The following BICD1 variants were observed in gnomAD, a reference collection of about 807,000 sequenced individuals.
BICD1 encodes the protein BICD cargo adaptor 1.
In BICD1, 35 loss-of-function variants were observed where a neutral mutation model predicts 92.5. That is an observed-to-expected ratio of 0.38 (90% CI 0.29 to 0.50). The LOEUF (loss-of-function observed/expected upper bound fraction) is 0.50. BICD1 is among the 20% of genes least tolerant of loss of function. BICD1 has a pLI of 0.93. For missense variants in BICD1, 950 were observed against 1,189.8 expected (o/e 0.80, Z 2.97); for synonymous variants, 429 against 465.1 (o/e 0.92, Z 1.00).
At chr12:32,207,528 AC>A (rs1441813900) in intron 1 of BICD1, among the ~76,000 whole-genome samples, 29 of 152,338 alleles carry the variant, frequency 1.9e-4, no homozygotes, top group African/African-American at 5.3e-4. Context: ...TTTTAAAAAA[AC>A]ATCTCATTTA....
intron 4 of BICD1, among the ~76,000 whole-genome samples, chr12:32,309,683 T>C (rs560015604): frequency 6.6e-6 from 1 of 152,194 alleles, no homozygotes; most frequent in South Asian, 2.1e-4. Flanking sequence ...TTGCAGGCGT[T>C]GTAGGAATAG....
intron 4 of BICD1, among the ~76,000 whole-genome samples, chr12:32,321,926 A>G (rs1972033): frequency 0.25 from 37,934 of 151,434 alleles, 5,161 homozygotes; most frequent in East Asian, 0.6. Flanking sequence ...TTGAACCTAG[A>G]AGGCGGAGGT....
At chr12:32,310,502 A>G (rs1948344194) in intron 4 of BICD1, among the ~76,000 whole-genome samples, 1 of 152,186 alleles carries the variant, frequency 6.6e-6, no homozygotes, top group African/African-American at 2.4e-5. Context: ...GGATGCCATC[A>G]AGGAGGTCTG....
intron 1 of BICD1, among the ~76,000 whole-genome samples, chr12:32,120,108 G>T (rs575814911): frequency 6.6e-6 from 1 of 151,722 alleles, no homozygotes; most frequent in African/African-American, 2.4e-5. Flanking sequence ...CTCTCTTATT[G>T]TGTCTATTTA....
At chr12:32,109,820 A>G (rs919404702) in intron 1 of BICD1, among the ~76,000 whole-genome samples, 9 of 152,058 alleles carry the variant, frequency 5.9e-5, no homozygotes, top group African/African-American at 2.2e-4. Context: ...GATTTCAAGT[A>G]ACATTTCTTG....
chr12:32,366,063 T>C (rs1434715722), intron 8 of BICD1, among the ~76,000 whole-genome samples: 1 of 152,230 alleles, frequency 6.6e-6, no homozygotes, highest in Non-Finnish European at 1.5e-5. Flanking sequence ...TCAGTAATGT[T>C]TTCTTGAGTG....
chr12:32,207,414 T>C (rs566996844), intron 1 of BICD1, among the ~76,000 whole-genome samples: 1 of 152,180 alleles, frequency 6.6e-6, no homozygotes, highest in African/African-American at 2.4e-5. Context: ...TCACAGAATA[T>C]TTAGTTGAGA....
intron 2 of BICD1, among the ~76,000 whole-genome samples, chr12:32,249,689 C>CTT (rs35108159): frequency 0.054 from 7,843 of 145,714 alleles, 717 homozygotes; most frequent in African/African-American, 0.19. Flanking sequence ...CTCTCTCTCT[C>CTT]TTTTTTTTTT....
intron 1 of BICD1, among the ~76,000 whole-genome samples, chr12:32,179,912 C>T (rs1440046756): frequency 1.3e-5 from 2 of 150,846 alleles, no homozygotes; most frequent in African/African-American, 4.9e-5. Context: ...ATTTCTTGAA[C>T]CCAGGAGGCA....
chr12:32,250,815 T>C (rs983978244), intron 2 of BICD1, among the ~76,000 whole-genome samples: 3 of 151,930 alleles, frequency 2.0e-5, no homozygotes, highest in African/African-American at 7.3e-5. Flanking sequence ...ATCCTGTCTC[T>C]ACAAAAAAAA....
chr12:32,255,284 T>A (rs1344712851), intron 2 of BICD1, among the ~76,000 whole-genome samples: 2 of 152,116 alleles, frequency 1.3e-5, no homozygotes, highest in Non-Finnish European at 2.9e-5. Flanking sequence ...CAATCCCATT[T>A]AATTCCCAAA....
chr12:32,278,186 T>A (rs1947325143), intron 2 of BICD1, among the ~76,000 whole-genome samples: 1 of 152,234 alleles, frequency 6.6e-6, no homozygotes, highest in South Asian at 2.1e-4. Flanking sequence ...AGATTTCACA[T>A]CTGTTTAGTG....
intron 9 of BICD1, among the ~76,000 whole-genome samples, chr12:32,375,818 A>T (rs10771943): frequency 6.6e-6 from 1 of 151,902 alleles, no homozygotes; most frequent in Non-Finnish European, 1.5e-5. Context: ...ACCAAAGATA[A>T]AAATTATTTA....
chr12:32,162,870 C>T (rs1943640678), intron 1 of BICD1, among the ~76,000 whole-genome samples: 1 of 152,208 alleles, frequency 6.6e-6, no homozygotes, highest in African/African-American at 2.4e-5. Flanking sequence ...CCTGTGGTCC[C>T]AGCTACTCAG....
chr12:32,118,193 C>G (rs375768471), intron 1 of BICD1, among the ~76,000 whole-genome samples: 1 of 151,862 alleles, frequency 6.6e-6, no homozygotes, highest in Non-Finnish European at 1.5e-5. Flanking sequence ...TGCCATTCTC[C>G]TGTCTCAGCC....
intron 9 of BICD1, among the ~76,000 whole-genome samples, chr12:32,374,750 T>G (rs1384670433): frequency 7.6e-6 from 1 of 130,944 alleles, no homozygotes; most frequent in South Asian, 2.5e-4. Context: ...TTTTTTTTTT[T>G]TTTTTTTTGT....
chr12:32,275,471 T>C (rs1212159789), intron 2 of BICD1, among the ~76,000 whole-genome samples: 1 of 152,214 alleles, frequency 6.6e-6, no homozygotes, highest in Non-Finnish European at 1.5e-5. Flanking sequence ...GTTCATATGA[T>C]GAGTTAGAGT....
At position 32,208,833 on chromosome 12, in the gene BICD1, CT is replaced by C. The variant is rs139701489; in HGVS notation, c.214-7405del. On this transcript the variant is annotated intron_variant, in intron 1 of 9. Transcript: ENST00000652176. ...GTGTTTTCTTTCTTTTTATTTTTTT[CT>C]TTTTTTTTGAGACAGTATCTCACGT... Among the ~76,000 whole-genome samples, 47 of 150,840 alleles carry C rather than the reference CT, an allele frequency of 3.1e-4. 1 individual carries two copies. The highest frequency in any genetic ancestry group is 3.0e-3 in the Admixed American group (45 of 15,128).
chr12:32,190,854 A>G (rs1241884385), intron 1 of BICD1, among the ~76,000 whole-genome samples: 2 of 152,226 alleles, frequency 1.3e-5, no homozygotes, highest in African/African-American at 4.8e-5. Flanking sequence ...GGGCCACAAA[A>G]CAAGACTTAA....
Sources: allele counts gnomAD v4.1 joint callset (sites outside exome capture counted in the v4.1 genomes callset), GRCh38; gene constraint gnomAD v4.1.1; transcripts MANE v1.5; gene names NCBI Gene and HGNC (gene_info 2026-07-23, HGNC 2026-07-21).